Variants in FAF1 observed in about 807,000 individuals in gnomAD.
FAF1 encodes FAS-associated factor 1.
Under a neutral mutation model 92.5 loss-of-function variants are expected in FAF1, and 25 were observed. The ratio of observed to expected loss-of-function variants is 0.27; its 90% CI spans 0.20 to 0.38. The LOEUF (loss-of-function observed/expected upper bound fraction) is 0.38, where lower values mean the gene tolerates loss of function less well. FAF1 is among the 10% of genes least tolerant of loss of function. The probability of loss-of-function intolerance (pLI) is 1.00; values close to 1 mark genes in which losing one functional copy is unlikely to be tolerated. For synonymous variants in FAF1, 234 were observed against 273.2 expected, an observed-to-expected ratio of 0.86 and a Z score of 1.42; for missense variants, 636 against 793.3, an observed-to-expected ratio of 0.80 and a Z score of 2.38.
intron 7 of FAF1, among the ~76,000 whole-genome samples, chr1:50,662,892 G>C (rs1185093281): frequency 6.6e-6 from 1 of 150,814 alleles, no homozygotes; most frequent in Non-Finnish European, 1.5e-5. Flanking sequence ...AGTAGAGATG[G>C]GGTTTCACCA....
chr1:50,550,268 G>A (rs921529602), intron 13 of FAF1, among the ~76,000 whole-genome samples: 7 of 151,100 alleles, frequency 4.6e-5, no homozygotes, highest in Admixed American at 2.0e-4. Context: ...GGAGAATGGC[G>A]TGAACCCAGG....
intron 1 of FAF1, among the ~76,000 whole-genome samples, chr1:50,932,060 C>G (rs1645052903): frequency 6.6e-6 from 1 of 151,686 alleles, no homozygotes; most frequent in Non-Finnish European, 1.5e-5. Context: ...AATTACCTCC[C>G]CCCGGGTCCC....
chr1:50,831,805 CAAAAAAA>C (rs1157102526), intron 2 of FAF1, among the ~76,000 whole-genome samples: 8 of 81,742 alleles, frequency 9.8e-5, no homozygotes, highest in Non-Finnish European at 1.9e-4. Flanking sequence ...TTATCAGAGA[CAAAAAAA>C]AAAAAAAAAA....
At chr1:50,518,230 CTGATA>C (rs2149028112) in intron 15 of FAF1, among the ~76,000 whole-genome samples, 1 of 152,236 alleles carries the variant, frequency 6.6e-6, no homozygotes, top group South Asian at 2.1e-4. Context: ...CTTTTAGAGA[CTGATA>C]TATTTTACAA....
intron 17 of FAF1, among the ~76,000 whole-genome samples, chr1:50,484,995 A>G (rs1005685023): frequency 6.6e-6 from 1 of 151,356 alleles, no homozygotes; most frequent in African/African-American, 2.4e-5. Flanking sequence ...TAGGAGATAT[A>G]CCTAATGTAA....
At chr1:50,561,349 T>G (rs1319108425) in intron 13 of FAF1, among the ~76,000 whole-genome samples, 1 of 152,104 alleles carries the variant, frequency 6.6e-6, no homozygotes, top group African/African-American at 2.4e-5. Flanking sequence ...GTTCATTCTG[T>G]AAGGAGAATG....
intron 13 of FAF1, among the ~76,000 whole-genome samples, chr1:50,547,362 T>C (rs1431351488): frequency 1.3e-5 from 2 of 152,154 alleles, no homozygotes; most frequent in African/African-American, 2.4e-5. Flanking sequence ...CCAGTAATAG[T>C]AAACTGTTAA....
chr1:50,444,035 T>G (rs938954440), intron 18 of FAF1, among the ~76,000 whole-genome samples: 6 of 152,222 alleles, frequency 3.9e-5, no homozygotes, highest in Non-Finnish European at 7.3e-5. Context: ...TCTGGTGCCC[T>G]AAAAATAAAA....
intron 1 of FAF1, among the ~76,000 whole-genome samples, chr1:50,951,866 T>C (rs993414513): frequency 6.6e-5 from 10 of 152,202 alleles, no homozygotes; most frequent in African/African-American, 2.2e-4. Flanking sequence ...GTATTGTCTT[T>C]TGTAGACAAT....
chr1:50,784,052 C>T (rs1661275722), intron 4 of FAF1, among the ~76,000 whole-genome samples: 1 of 152,014 alleles, frequency 6.6e-6, no homozygotes, highest in South Asian at 2.1e-4. Context: ...ATAATAAATG[C>T]CATATATGAA....
At chr1:50,578,638 T>C (rs113883102) in intron 12 of FAF1, among the ~76,000 whole-genome samples, 21 of 152,258 alleles carry the variant, frequency 1.4e-4, no homozygotes, top group Non-Finnish European at 2.5e-4. Flanking sequence ...GACTTTCTCA[T>C]CTCTAAAATG....
intron 8 of FAF1, among the ~76,000 whole-genome samples, chr1:50,642,715 T>C (rs556579885): frequency 6.9e-6 from 1 of 144,984 alleles, no homozygotes; most frequent in Admixed American, 6.8e-5. Context: ...TTAAAGTTCA[T>C]TTTTAATAAT....
intron 1 of FAF1, among the ~76,000 whole-genome samples, chr1:50,880,646 T>C (rs568021311): frequency 3.9e-5 from 6 of 152,318 alleles, no homozygotes; most frequent in Admixed American, 1.3e-4. Context: ...ATGTGAAACA[T>C]TGATCGTGGA....
At chr1:50,716,628 A>G (rs947885420) in intron 6 of FAF1, among the ~76,000 whole-genome samples, 1 of 152,196 alleles carries the variant, frequency 6.6e-6, no homozygotes, top group Non-Finnish European at 1.5e-5. Flanking sequence ...TTGTAAATGC[A>G]CCAATCAGCA....
At position 50,567,185 on chromosome 1, in the gene FAF1, G is replaced by A. The variant is rs770251110; in HGVS notation, c.1160C>T (p.Thr387Ile). 1 of 1,609,802 alleles carries A rather than the reference G, an allele frequency of 6.2e-7. No individual in the cohort carries two copies. The highest frequency in any genetic ancestry group is 8.5e-7 in the Non-Finnish European group (1 of 1,177,362). Residue 387 changes from threonine (T) to isoleucine (I), a missense_variant, in exon 13 of 19, where the codon ACC becomes ATC. By Grantham distance (89) the Thr-to-Ile change is moderately conservative. Coordinates refer to ENST00000396153, the MANE Select transcript of FAF1 (RefSeq NM_007051.3). Reference sequence around the variant, plus strand: ...AAGCATTTGTGAGCAGAACACGTTGGTTAACACACTTTCATCATGGTGGAG... The same window carrying A: ...AAGCATTTGTGAGCAGAACACGTTGATTAACACACTTTCATCATGGTGGAG... The part of the protein sequence containing the change: ...IYLHHDESVL[T>I]NVFCSQMLCA...
intron 3 of FAF1, among the ~76,000 whole-genome samples, chr1:50,798,238 A>G (rs1267605454): frequency 6.6e-6 from 1 of 152,242 alleles, no homozygotes; most frequent in Non-Finnish European, 1.5e-5. Flanking sequence ...CCTAATGGTC[A>G]AGGTTTGAAA....
chr1:50,534,572 C>G (rs1648366183), intron 15 of FAF1, among the ~76,000 whole-genome samples: 1 of 152,090 alleles, frequency 6.6e-6, no homozygotes, highest in Non-Finnish European at 1.5e-5. Context: ...CTGTGCCCAG[C>G]CTCTTCTGTT....
chr1:50,596,339 G>T, intron 8 of FAF1, 123 bp from the exon 9 acceptor site: 1 of 670,898 alleles, frequency 1.5e-6, no homozygotes, highest in Non-Finnish European at 2.5e-6. Context: ...CTAGTATCCT[G>T]GGTATTACAT....
At chr1:50,807,493 C>T (rs1008534291) in intron 2 of FAF1, among the ~76,000 whole-genome samples, 5 of 152,184 alleles carry the variant, frequency 3.3e-5, no homozygotes, top group Admixed American at 2.0e-4. Flanking sequence ...CTCATGAGAA[C>T]TCATTATCAT....
Sources: gnomAD v4.1 joint callset for allele counts (sites outside exome capture counted in the v4.1 genomes callset) on GRCh38, gnomAD v4.1.1 for gene constraint, MANE v1.5 for transcripts, NCBI Gene and HGNC (gene_info 2026-07-23, HGNC 2026-07-21) for gene names.